Variants in GRID2 observed in about 807,000 individuals in gnomAD.
GRID2 encodes glutamate receptor ionotropic, delta-2.
In GRID2, 33 loss-of-function variants were observed where a neutral mutation model predicts 114.8. The ratio of observed to expected loss-of-function variants is 0.29; its 90% confidence interval spans 0.22 to 0.38. GRID2 has a LOEUF of 0.38. Ranked by LOEUF, GRID2 falls within the 10% of genes least tolerant of loss-of-function variation. The pLI, the probability that GRID2 is intolerant of heterozygous loss-of-function variation, is 1.00. For missense variants in GRID2, 1,184 were observed against 1,257.7 expected, an observed-to-expected ratio of 0.94 and a Z score of 0.89; for synonymous variants, 505 against 449.9, an observed-to-expected ratio of 1.12 and a Z score of -1.55.
At chr4:93,408,239 C>G (rs890270370) in intron 9 of GRID2, among the ~76,000 whole-genome samples, 2 of 152,124 alleles carry the variant, frequency 1.3e-5, no homozygotes, top group African/African-American at 4.8e-5. Context: ...TTTTATCAGT[C>G]TCAGGGAAGA....
intron 2 of GRID2, among the ~76,000 whole-genome samples, chr4:92,621,543 G>A (rs976829238): frequency 1.3e-5 from 2 of 151,698 alleles, no homozygotes; most frequent in African/African-American, 4.8e-5. Flanking sequence ...CATACCTATA[G>A]TCCCAGCTAT....
At chr4:93,448,181 G>A (rs907354803) in intron 10 of GRID2, among the ~76,000 whole-genome samples, 2 of 151,764 alleles carry the variant, frequency 1.3e-5, no homozygotes, top group Admixed American at 6.6e-5. Flanking sequence ...ATAGGATATC[G>A]TAATGCACTT....
rs867500230 is a variant in GRID2, at chr4:92,698,861, G to A, written c.244+108575G>A. On this transcript the variant is annotated intron_variant, in intron 2 of 15. Transcript: ENST00000282020. Reference sequence around the variant, plus strand: ...GACAAAAAGTGAATATTGTCCCGACGCAAAATTGCATTAACAAAAACTACG... The same window carrying A: ...GACAAAAAGTGAATATTGTCCCGACACAAAATTGCATTAACAAAAACTACG... Among the ~76,000 whole-genome samples, 219 of 152,004 alleles carry A rather than the reference G, an allele frequency of 1.4e-3. 1 individual carries two copies. Among genetic ancestry groups the A allele is most frequent in the African/African-American group, 5.1e-3 (213 of 41,494 alleles).
At chr4:93,249,285 T>G (rs1748562644) in intron 8 of GRID2, among the ~76,000 whole-genome samples, 1 of 152,172 alleles carries the variant, frequency 6.6e-6, no homozygotes, top group Non-Finnish European at 1.5e-5. Context: ...ACTGGTAGTA[T>G]AGTTTGAAGT....
intron 2 of GRID2, among the ~76,000 whole-genome samples, chr4:92,954,834 C>A (rs1186655091): frequency 1.4e-5 from 2 of 141,126 alleles, no homozygotes; most frequent in Admixed American, 7.3e-5. Flanking sequence ...TCTCATTGTT[C>A]AATTCCCACC....
At chr4:93,326,510 A>G (rs922474839) in intron 8 of GRID2, among the ~76,000 whole-genome samples, 2 of 152,120 alleles carry the variant, frequency 1.3e-5, no homozygotes, top group African/African-American at 4.8e-5. Context: ...AGATTCTCCA[A>G]TAGAGAATAG....
intron 13 of GRID2, among the ~76,000 whole-genome samples, chr4:93,600,026 C>T (rs1739507973): frequency 6.6e-6 from 1 of 152,094 alleles, no homozygotes; most frequent in South Asian, 2.1e-4. Flanking sequence ...GCTAGAAGGC[C>T]CAAGATTTAA....
At chr4:93,144,710 G>A (rs1736048929) in intron 4 of GRID2, among the ~76,000 whole-genome samples, 1 of 150,352 alleles carries the variant, frequency 6.7e-6, no homozygotes, top group Non-Finnish European at 1.5e-5. Context: ...TTTCTTCATA[G>A]TTTTAATATT....
intron 1 of GRID2, among the ~76,000 whole-genome samples, chr4:92,450,455 T>C (rs2149077993): frequency 6.6e-6 from 1 of 152,214 alleles, no homozygotes; most frequent in East Asian, 1.9e-4. Context: ...AAGGTCCATT[T>C]TTATCTCATT....
rs766461188 is a variant in GRID2, at chr4:93,376,845, A to T, written c.1246-18762A>T. Among the ~76,000 whole-genome samples, 8 of 152,310 alleles carry T rather than the reference A, an allele frequency of 5.3e-5. No individual in the cohort carries two copies. In the East Asian group the frequency reaches 5.8e-4, roughly 11 times the overall value. On this transcript the variant is annotated intron_variant, in intron 8 of 15. Coordinates refer to ENST00000282020, the MANE Select transcript of GRID2 (RefSeq NM_001510.4). The stretch of plus-strand genomic sequence containing the variant: ...GGGGTGGAGTGCAGAGAGGGAGAGC[A>T]TTAGGAAAAATAACTAATGCATACT...
intron 1 of GRID2, among the ~76,000 whole-genome samples, chr4:92,476,824 G>A (rs1481743420): frequency 1.3e-5 from 2 of 151,874 alleles, no homozygotes; most frequent in African/African-American, 4.8e-5. Context: ...GCATAATGAT[G>A]GAATTTTAAA....
At chr4:92,811,740 C>T (rs1410538719) in intron 2 of GRID2, among the ~76,000 whole-genome samples, 2 of 151,658 alleles carry the variant, frequency 1.3e-5, no homozygotes, top group East Asian at 3.9e-4. Flanking sequence ...TATAAACAGT[C>T]GACAATTAAA....
intron 14 of GRID2, among the ~76,000 whole-genome samples, chr4:93,741,970 G>A (rs1012003610): frequency 6.6e-6 from 1 of 151,596 alleles, no homozygotes; most frequent in Non-Finnish European, 1.5e-5. Context: ...GTTCATGTGT[G>A]GGTGTATAAC....
intron 3 of GRID2, among the ~76,000 whole-genome samples, chr4:93,101,716 T>A (rs1042231518): frequency 1.9e-4 from 29 of 152,220 alleles, no homozygotes; most frequent in African/African-American, 6.7e-4. Flanking sequence ...TTTTACGTGA[T>A]TTAATAAAAT....
In GRID2 at chr4:92,743,310, T is replaced by C. The variant is rs374449451; in HGVS notation, c.244+153024T>C. Among the ~76,000 whole-genome samples the C allele has an allele frequency of 1.1e-3, 169 of 152,276 alleles. 1 individual carries two copies. The highest frequency in any genetic ancestry group is 3.9e-3 in the African/African-American group (162 of 41,572). ...GTCATCATCATCATCATCTAAAAAATAGAATGATCATTTCTCTGTTGTTAT... is the reference window on the plus strand; with the variant it reads ...GTCATCATCATCATCATCTAAAAAACAGAATGATCATTTCTCTGTTGTTAT... On this transcript the variant is annotated intron_variant, in intron 2 of 15. Transcript: ENST00000282020.
intron 3 of GRID2, among the ~76,000 whole-genome samples, chr4:93,102,548 TA>T (rs1298263391): frequency 1.3e-5 from 2 of 151,810 alleles, no homozygotes; most frequent in African/African-American, 2.4e-5. Flanking sequence ...TACTATCCCT[TA>T]AAAAATTACT....
intron 14 of GRID2, among the ~76,000 whole-genome samples, chr4:93,724,940 C>G (rs1256229690): frequency 1.3e-5 from 2 of 151,436 alleles, no homozygotes; most frequent in African/African-American, 4.8e-5. Context: ...CCACCATGCC[C>G]AGCTAATTTT....
chr4:93,142,353 AG>A (rs1735852391), intron 4 of GRID2, among the ~76,000 whole-genome samples: 1 of 152,102 alleles, frequency 6.6e-6, no homozygotes, highest in African/African-American at 2.4e-5. Context: ...TATGGATGCT[AG>A]GAGGTCCAAG....
At chr4:92,578,743 T>TCTATCTATCTAG (rs1394569741) in intron 1 of GRID2, among the ~76,000 whole-genome samples, 1 of 151,738 alleles carries the variant, frequency 6.6e-6, no homozygotes, top group Non-Finnish European at 1.5e-5. Flanking sequence ...AATCTATCTA[T>TCTATCTATCTAG]CTATCTATCT....
Sources: gnomAD v4.1 joint callset for allele counts (sites outside exome capture counted in the v4.1 genomes callset) on GRCh38, gnomAD v4.1.1 for gene constraint, MANE v1.5 for transcripts, NCBI Gene and HGNC (gene_info 2026-07-23, HGNC 2026-07-21) for gene names.